Variants in TSPAN9 observed in about 807,000 individuals in gnomAD.
TSPAN9 encodes the protein tetraspanin-9.
TSPAN9 carries 16 observed loss-of-function variants against 31.0 expected under a neutral mutation model. The ratio of observed to expected loss-of-function variants is 0.52; its 90% confidence interval spans 0.35 to 0.78. TSPAN9 has a LOEUF of 0.78. Among genes scored for constraint, TSPAN9 ranks in the 30% least tolerant of loss-of-function variants. The probability of loss-of-function intolerance (pLI) is 0.01; values close to 1 mark genes in which losing one functional copy is unlikely to be tolerated. For missense variants in TSPAN9, 272 were observed against 312.5 expected, an observed-to-expected ratio of 0.87 and a Z score of 0.98; for synonymous variants, 145 against 121.6, an observed-to-expected ratio of 1.19 and a Z score of -1.27.
rs867317865 is a variant in TSPAN9 at position 3,198,095 on chromosome 12, C to G, written c.-17-3082C>G. Among the ~76,000 whole-genome samples the G allele has an allele frequency of 6.3e-4, 26 of 41,466 alleles. 1 individual carries two copies. Among genetic ancestry groups the G allele is most frequent in the Non-Finnish European group, 9.2e-4 (18 of 19,540 alleles). The allele number at this position is 41,466 out of a possible 152,430, so 27.2% of individuals were successfully genotyped here. On this transcript the variant is annotated intron_variant, in intron 2 of 8. Transcript: ENST00000011898. ...CCAGCACAGGTCACCACCAGCACAG[C>G]TCACCACCAGCACAGGCCACCACCA... is the stretch of plus-strand genomic sequence containing the variant.
intron 2 of TSPAN9, among the ~76,000 whole-genome samples, chr12:3,121,875 A>T (rs1380038162): frequency 6.6e-6 from 1 of 152,156 alleles, no homozygotes; most frequent in African/African-American, 2.4e-5. Context: ...CCTTGTAGGT[A>T]CTTGAGTTTG....
rs188959594 is a variant in TSPAN9, at chr12:3,279,240, G to A, written c.330+174G>A. On this transcript the variant is annotated intron_variant, in intron 5 of 8. Transcript: ENST00000011898. ...GCTACCAAGGAAAGAGCAGATGGAA[G>A]GTTTTGATGGGGGCAGCATGGGGCA... 1.3e-3 allele frequency among the ~76,000 whole-genome samples: 205 copies of A among 152,332 alleles called. 2 individuals are homozygous for A. The highest frequency in any genetic ancestry group is 4.2e-3 in the Admixed American group (64 of 15,308).
intron 2 of TSPAN9, among the ~76,000 whole-genome samples, chr12:3,175,101 AC>A (rs950983124): frequency 6.6e-6 from 1 of 150,562 alleles, no homozygotes; most frequent in Admixed American, 6.6e-5. Context: ...TGTGCACACG[AC>A]CCCTGCAGGG....
intron 2 of TSPAN9, among the ~76,000 whole-genome samples, chr12:3,116,034 T>A (rs1365838990): frequency 6.6e-6 from 1 of 152,230 alleles, no homozygotes; most frequent in African/African-American, 2.4e-5. Context: ...CATTTCTGAT[T>A]GCAAGACAGT....
intron 3 of TSPAN9, among the ~76,000 whole-genome samples, chr12:3,226,769 TATATATATATATATATATATATATA>T (rs1565622546): frequency 0.078 from 287 of 3,674 alleles, 68 homozygotes; most frequent in Non-Finnish European, 0.14. Context: ...TATATATATA[TATATATATATATATATATATATATA>T]TTTTTTTTTT....
chr12:3,241,954 C>T (rs879522893), intron 3 of TSPAN9, among the ~76,000 whole-genome samples: 8 of 152,232 alleles, frequency 5.3e-5, no homozygotes, highest in East Asian at 3.9e-4. Context: ...GGGGGCCACT[C>T]GCCCTAGAGA....
At chr12:3,155,117 A>T (rs1007112238) in intron 2 of TSPAN9, among the ~76,000 whole-genome samples, 2 of 152,246 alleles carry the variant, frequency 1.3e-5, no homozygotes, top group Non-Finnish European at 2.9e-5. Flanking sequence ...AAAAAAAATT[A>T]AAACGTGATG....
At chr12:3,275,815 C>T (rs537733809) in intron 3 of TSPAN9, among the ~76,000 whole-genome samples, 2 of 152,356 alleles carry the variant, frequency 1.3e-5, no homozygotes, top group Admixed American at 1.3e-4. Flanking sequence ...AGCTGCTGGA[C>T]GTAAATCATT....
Position 3,081,844 on chromosome 12 carries a change from G to GTGTGTGTATATATATA in TSPAN9, c.-84-1808_-84-1807insGTGTGTATATATATAT, listed in dbSNP as rs57812985. On this transcript the variant is annotated intron_variant, in intron 1 of 8. Coordinates refer to ENST00000011898, the MANE Select transcript of TSPAN9 (RefSeq NM_006675.5). ...TGTGTGTGTGTGTGTGTCTGTGTGTGTATATATATGCCAGGTGTGGTGGTA... is the reference window on the plus strand; with the variant it reads ...TGTGTGTGTGTGTGTGTCTGTGTGTGTGTGTGTATATATATATATATATATGCCAGGTGTGGTGGTA... 1.2e-3 allele frequency among the ~76,000 whole-genome samples: 141 copies of GTGTGTGTATATATATA among 116,768 alleles called. 1 individual carries two copies. Among genetic ancestry groups the GTGTGTGTATATATATA allele is most frequent in the African/African-American group, 4.6e-3 (127 of 27,444 alleles). The allele number at this position is 116,768 out of a possible 152,430, so 76.6% of individuals were successfully genotyped here.
At chr12:3,263,505 G>C (rs967742892) in intron 3 of TSPAN9, among the ~76,000 whole-genome samples, 4 of 152,254 alleles carry the variant, frequency 2.6e-5, no homozygotes, top group African/African-American at 9.6e-5. Flanking sequence ...AGGGTCTGAA[G>C]GAGGTGGTGT....
chr12:3,140,524 T>A (rs905706940), intron 2 of TSPAN9, among the ~76,000 whole-genome samples: 2 of 151,230 alleles, frequency 1.3e-5, no homozygotes, highest in African/African-American at 4.9e-5. Flanking sequence ...TGCAGAGGAG[T>A]CCCTGCAGGG....
At chr12:3,142,648 C>A (rs1461667342) in intron 2 of TSPAN9, among the ~76,000 whole-genome samples, 1 of 152,150 alleles carries the variant, frequency 6.6e-6, no homozygotes, top group African/African-American at 2.4e-5. Flanking sequence ...GCCCCCTGCG[C>A]CATGCTCTTA....
At chr12:3,101,348 C>T (rs2153964389) in intron 2 of TSPAN9, among the ~76,000 whole-genome samples, 1 of 152,192 alleles carries the variant, frequency 6.6e-6, no homozygotes, top group South Asian at 2.1e-4. Flanking sequence ...TAGTGAGCTC[C>T]CTGTTGCTGC....
rs529754642 is a variant in TSPAN9 at position 3,086,541 on chromosome 12, G to A, written c.-18+2822G>A. Among the ~76,000 whole-genome samples, 330 of 152,254 alleles carry A rather than the reference G, an allele frequency of 2.2e-3. 1 individual carries two copies. The highest frequency in any genetic ancestry group is 2.2e-3 in the Non-Finnish European group (153 of 68,010). ...ACATCTGATCTTGTGTTAGGAACAG[G>A]AAAAGATCTGGTAGAGAGCAGTCCA... On this transcript the variant is annotated intron_variant, in intron 2 of 8. Coordinates refer to ENST00000011898, the MANE Select transcript of TSPAN9 (RefSeq NM_006675.5).
intron 2 of TSPAN9, among the ~76,000 whole-genome samples, chr12:3,186,374 T>TA (rs1024411025): frequency 1.3e-5 from 2 of 152,070 alleles, no homozygotes; most frequent in African/African-American, 4.8e-5. Flanking sequence ...GAAGGCCTCA[T>TA]GGAGAAGATG....
intron 2 of TSPAN9, among the ~76,000 whole-genome samples, chr12:3,190,128 G>A (rs6489443): frequency 0.99 from 150,373 of 152,308 alleles, 74,273 homozygotes; most frequent in Middle Eastern, 1. Context: ...TACCAGCCCC[G>A]TAGAGGGAGA....
chr12:3,256,542 C>T (rs114377171), intron 3 of TSPAN9, among the ~76,000 whole-genome samples: 9 of 152,270 alleles, frequency 5.9e-5, no homozygotes, highest in African/African-American at 9.6e-5. Context: ...GCGTAATCGT[C>T]GATTTCGGGA....
At chr12:3,216,565 G>C (rs2098381527) in intron 3 of TSPAN9, among the ~76,000 whole-genome samples, 1 of 152,248 alleles carries the variant, frequency 6.6e-6, no homozygotes, top group Non-Finnish European at 1.5e-5. Flanking sequence ...CTTATACAGA[G>C]AGGGAGATGG....
intron 3 of TSPAN9, among the ~76,000 whole-genome samples, chr12:3,215,070 C>A (rs111761798): frequency 1.3e-5 from 2 of 152,256 alleles, no homozygotes; most frequent in African/African-American, 4.8e-5. Flanking sequence ...AAACACATAC[C>A]CTTCCCACCC....
Sources: allele counts gnomAD v4.1 joint callset (sites outside exome capture counted in the v4.1 genomes callset), GRCh38; gene constraint gnomAD v4.1.1; transcripts MANE v1.5; gene names NCBI Gene and HGNC (gene_info 2026-07-23, HGNC 2026-07-21).